The following APBA2 variants were observed in gnomAD, a reference collection of about 807,000 sequenced individuals.
The protein encoded by APBA2 is amyloid beta precursor protein binding family A member 2.
A neutral mutation model predicts 75.0 loss-of-function variants in APBA2; 30 were observed. That is an observed-to-expected ratio of 0.40 (90% confidence interval 0.30 to 0.54). The LOEUF is 0.54. Ranked by LOEUF, APBA2 falls within the 20% of genes least tolerant of loss-of-function variation. APBA2 has a pLI of 0.49. For synonymous variants in APBA2, 444 were observed against 409.6 expected (o/e 1.08, Z -1.01); for missense variants, 801 against 1,016.1 (o/e 0.79, Z 2.88).
At chr15:28,964,319 G>C (rs1035370061) in intron 2 of APBA2, among the ~76,000 whole-genome samples, 1 of 152,064 alleles carries the variant, frequency 6.6e-6, no homozygotes, top group South Asian at 2.1e-4. Flanking sequence ...GCCAGCATTT[G>C]GTGTTATCAC....
intron 13 of APBA2, 22 bp downstream of exon 13, chr15:29,108,411 G>T: frequency 1.9e-6 from 3 of 1,613,774 alleles, no homozygotes; most frequent in Non-Finnish European, 2.5e-6. Flanking sequence ...CTCCTGCTCT[G>T]GGCCACCACC....
chr15:29,090,718 T>C (rs2043520134), intron 6 of APBA2, among the ~76,000 whole-genome samples: 1 of 152,108 alleles, frequency 6.6e-6, no homozygotes, highest in Admixed American at 6.5e-5. Context: ...TAGTGGTCAA[T>C]GAGAGCCACT....
At chr15:28,963,578 C>T (rs1025287060) in intron 2 of APBA2, among the ~76,000 whole-genome samples, 1 of 152,208 alleles carries the variant, frequency 6.6e-6, no homozygotes, top group African/African-American at 2.4e-5. Flanking sequence ...AGAAAGCCGG[C>T]CACAGTCCAC....
At chr15:28,996,645 G>A (rs1021379790) in intron 3 of APBA2, among the ~76,000 whole-genome samples, 6 of 152,178 alleles carry the variant, frequency 3.9e-5, no homozygotes, top group Non-Finnish European at 7.3e-5. Flanking sequence ...GGAGCAGAGG[G>A]CATTGTTGCT....
At chr15:28,916,669 G>C (rs1470617778) in intron 1 of APBA2, among the ~76,000 whole-genome samples, 4 of 152,206 alleles carry the variant, frequency 2.6e-5, no homozygotes, top group Non-Finnish European at 4.4e-5. Context: ...ATCTACACAC[G>C]TGTGCTCGCT....
chr15:29,017,778 C>G lies in APBA2; in HGVS notation c.-41+21972C>G, dbSNP rs541080267. On this transcript the variant is annotated intron_variant, in intron 3 of 14. Coordinates refer to ENST00000683413, the MANE Select transcript of APBA2 (RefSeq NM_001353788.2). ...TACTTTGGCTCTCTGAGGGCTCTTT[C>G]TATTCTTTCGTCATTTCTTATTTTG... 1.4e-4 allele frequency among the ~76,000 whole-genome samples: 21 copies of G among 152,232 alleles called. 1 individual carries two copies. The South Asian group carries it at 4.4e-3, about 32-fold the overall frequency.
intron 3 of APBA2, among the ~76,000 whole-genome samples, chr15:29,025,098 C>T (rs934732600): frequency 6.6e-6 from 1 of 151,550 alleles, no homozygotes; most frequent in Admixed American, 6.6e-5. Context: ...TCTATTGCAG[C>T]ATGTCACAAT....
At chr15:29,024,933 T>C (rs2040140139) in intron 3 of APBA2, among the ~76,000 whole-genome samples, 1 of 152,172 alleles carries the variant, frequency 6.6e-6, no homozygotes, top group African/African-American at 2.4e-5. Context: ...ACGGTTCCCA[T>C]TCCACTGTCG....
rs909689945 is a variant in APBA2, at chr15:28,937,035, G to A, written c.-95+15286G>A. 1.5e-4 allele frequency among the ~76,000 whole-genome samples: 23 copies of A among 152,312 alleles called. No individual in the cohort carries two copies. In the East Asian group the frequency reaches 1.5e-3, roughly 10 times the overall value. On this transcript the variant is annotated intron_variant, in intron 2 of 14. Transcript: ENST00000683413. ...CAGAAAGAGAAAGCAGTTTGCAACT[G>A]CAAAGCATTATTCAGGTCTTCCTGG...
intron 4 of APBA2, among the ~76,000 whole-genome samples, chr15:29,060,325 T>A (rs2042077341): frequency 6.6e-6 from 1 of 152,200 alleles, no homozygotes; most frequent in Non-Finnish European, 1.5e-5. Context: ...AGTCCCGTGT[T>A]GCAGATGGCA....
At chr15:28,938,568 G>T (rs1409441749) in intron 2 of APBA2, among the ~76,000 whole-genome samples, 2 of 152,174 alleles carry the variant, frequency 1.3e-5, no homozygotes, top group South Asian at 2.1e-4. Context: ...GAGTGCAGGG[G>T]TGCAATCTTG....
intron 2 of APBA2, among the ~76,000 whole-genome samples, chr15:28,971,062 C>T (rs913821569): frequency 3.3e-5 from 5 of 152,226 alleles, no homozygotes; most frequent in African/African-American, 7.2e-5. Flanking sequence ...ATTTCACTCT[C>T]ACCATGTAAA....
chr15:28,928,157 A>AT (rs1405302031), intron 2 of APBA2, among the ~76,000 whole-genome samples: 3 of 151,248 alleles, frequency 2.0e-5, no homozygotes, highest in Admixed American at 6.6e-5. Flanking sequence ...AAAAAAAAAA[A>AT]AAGAAACATG....
Position 29,107,882 on chromosome 15 carries a change from G to A in APBA2, c.1918-388G>A, listed in dbSNP as rs138684639. Reference sequence around the variant, plus strand: ...GAGGAAGGTGTCTCCACATCCTTCCGTAGGAAGCTGTCCCGAATTCGGCAT... The same window carrying A: ...GAGGAAGGTGTCTCCACATCCTTCCATAGGAAGCTGTCCCGAATTCGGCAT... On this transcript the variant is annotated intron_variant, in intron 12 of 14. Transcript: ENST00000683413. Among the ~76,000 whole-genome samples the A allele has an allele frequency of 7.5e-4, 114 of 152,274 alleles. No homozygotes were observed. In the East Asian group the frequency reaches 0.012, roughly 15 times the overall value.
At chr15:28,912,835 G>C (rs1358533806) in intron 1 of APBA2, among the ~76,000 whole-genome samples, 4 of 152,176 alleles carry the variant, frequency 2.6e-5, no homozygotes, top group Non-Finnish European at 5.9e-5. Context: ...TACCTTGTTT[G>C]TATATTCACT....
intron 2 of APBA2, among the ~76,000 whole-genome samples, chr15:28,944,833 G>A (rs1408295315): frequency 3.3e-5 from 5 of 152,190 alleles, no homozygotes; most frequent in African/African-American, 4.8e-5. Flanking sequence ...AGAAAGGTCC[G>A]GGCAGCACTG....
chr15:29,000,578 T>A (rs549044594), intron 3 of APBA2, among the ~76,000 whole-genome samples: 1 of 152,194 alleles, frequency 6.6e-6, no homozygotes, highest in South Asian at 2.1e-4. Context: ...TGTCTCTTCA[T>A]TGAAATGGGT....
At chr15:28,973,353 G>T (rs115978484) in intron 2 of APBA2, among the ~76,000 whole-genome samples, 1,964 of 152,322 alleles carry the variant, frequency 0.013, 57 homozygotes, top group African/African-American at 0.045. Flanking sequence ...GTTGACACAT[G>T]AAATATTTTA....
intron 2 of APBA2, among the ~76,000 whole-genome samples, chr15:28,965,023 A>G (rs1249953697): frequency 6.6e-6 from 1 of 151,730 alleles, no homozygotes; most frequent in East Asian, 1.9e-4. Flanking sequence ...TGTTTGGTGT[A>G]TGTCTAGGAA....
Sources: gnomAD v4.1 joint callset for allele counts (sites outside exome capture counted in the v4.1 genomes callset) on GRCh38, gnomAD v4.1.1 for gene constraint, MANE v1.5 for transcripts, NCBI Gene and HGNC (gene_info 2026-07-23, HGNC 2026-07-21) for gene names.